Variants in DCAF16 observed in about 807,000 individuals in gnomAD.
The protein encoded by DCAF16 is DDB1- and CUL4-associated factor 16.
A neutral mutation model predicts 17.3 loss-of-function variants in DCAF16; 10 were observed. The observed-to-expected ratio is 0.58, with a 90% CI of 0.36 to 0.98. The LOEUF (loss-of-function observed/expected upper bound fraction) is 0.98, where lower values mean the gene tolerates loss of function less well. Ranked by LOEUF, DCAF16 falls within the 50% of genes least tolerant of loss-of-function variation. The pLI is 0.01. For missense variants in DCAF16, 249 were observed against 247.6 expected, an observed-to-expected ratio of 1.01 and a Z score of -0.04; for synonymous variants, 111 against 92.8, an observed-to-expected ratio of 1.20 and a Z score of -1.12.
At chr4:17,807,371 G>C (rs1272049909) in intron 1 of DCAF16, among the ~76,000 whole-genome samples, 11 of 152,260 alleles carry the variant, frequency 7.2e-5, no homozygotes, top group East Asian at 1.9e-4. Context: ...AAAATCCCAA[G>C]GCATGAACAA....
At chr4:17,805,270 T>C (rs1280826977) in intron 1 of DCAF16, 45 bp from the exon 2 acceptor site, 1 of 152,008 alleles carries the variant, frequency 6.6e-6, no homozygotes, top group East Asian at 1.9e-4. Flanking sequence ...ACCAGCTACT[T>C]TTATAAAGAT....
In DCAF16 at chr4:17,804,649, T is replaced by C. The variant is rs1281703836; in HGVS notation, c.-508A>G. ...TGCAGGGGGGAATGACGGGATGAGCTGTCAAGAACATCTGGTGTATAAGGA... is the reference window on the plus strand; with the variant it reads ...TGCAGGGGGGAATGACGGGATGAGCCGTCAAGAACATCTGGTGTATAAGGA... On this transcript the variant is annotated 5_prime_UTR_variant, in exon 3 of 3. Coordinates refer to ENST00000382247, the MANE Select transcript of DCAF16 (RefSeq NM_017741.4). The C allele has an allele frequency of 5.7e-6, 1 of 176,530 alleles. No homozygotes were observed. Among genetic ancestry groups the C allele is most frequent in the East Asian group, 1.8e-4 (1 of 5,572 alleles). 10.9% of individuals were successfully genotyped at this position (176,530 alleles called of 1,614,324 possible).
rs1719849539 is a variant in DCAF16 at position 17,802,132 on chromosome 4, G to T, written c.*1359C>A. On this transcript the variant is annotated 3_prime_UTR_variant, in exon 3 of 3. Coordinates refer to ENST00000382247, the MANE Select transcript of DCAF16 (RefSeq NM_017741.4). ...AAAAAAAAAAAAAAAAATTAGAAGG[G>T]TTCCTGAAAAGTTTGCAATGGATGT... 6.6e-6 allele frequency: 1 copy of T among 152,214 alleles called. No individual in the cohort carries two copies. The highest frequency in any genetic ancestry group is 6.6e-5 in the Admixed American group (1 of 15,222). 9.4% of individuals were successfully genotyped at this position (152,214 alleles called of 1,614,324 possible). A position where few individuals can be genotyped will look rare whatever the true frequency, so the allele number is the denominator to read the frequency against.
At chr4:17,795,737 A>G (rs1719399298), downstream of DCAF16, among the ~76,000 whole-genome samples, 1 of 152,102 alleles carries the variant, frequency 6.6e-6, no homozygotes. Flanking sequence ...CAGCTTCTTT[A>G]TGTTCATCTT....
In DCAF16 at chr4:17,803,132, C is replaced by T. The variant is rs1009827142; in HGVS notation, c.*359G>A. 1 of 198,530 alleles carries T rather than the reference C, an allele frequency of 5.0e-6. No homozygotes were observed. Among genetic ancestry groups the T allele is most frequent in the African/African-American group, 2.4e-5 (1 of 42,386 alleles). The allele number at this position is 198,530 out of a possible 1,614,324, so 12.3% of individuals were successfully genotyped here. ...CTCCGTCTCCTGGGTTCAAGTGATTCTCCTGTTTCAGCCTCCCGAGTAGCA... is the reference window on the plus strand; with the variant it reads ...CTCCGTCTCCTGGGTTCAAGTGATTTTCCTGTTTCAGCCTCCCGAGTAGCA... On this transcript the variant is annotated 3_prime_UTR_variant, in exon 3 of 3. Coordinates refer to ENST00000382247, the MANE Select transcript of DCAF16 (RefSeq NM_017741.4).
At chr4:17,797,610 A>T (rs1458651133), downstream of DCAF16, among the ~76,000 whole-genome samples, 1 of 152,212 alleles carries the variant, frequency 6.6e-6, no homozygotes, top group Non-Finnish European at 1.5e-5. Flanking sequence ...CCAGCTTTCA[A>T]TTGATTCAGA....
In DCAF16 at chr4:17,802,442, C is replaced by A. The variant is rs1371376672; in HGVS notation, c.*1049G>T. 1 of 151,918 alleles carries A rather than the reference C, an allele frequency of 6.6e-6. No homozygotes were observed. Among genetic ancestry groups the A allele is most frequent in the Non-Finnish European group, 1.5e-5 (1 of 67,990 alleles). The allele number at this position is 151,918 out of a possible 1,614,324, so 9.4% of individuals were successfully genotyped here. A position where few individuals can be genotyped will look rare whatever the true frequency, so the allele number is the denominator to read the frequency against. ...AACGTTCATGCTGTAATTTTAAGTA[C>A]CATAATAAGTTTGTAGTAGTATAGG... is the stretch of plus-strand genomic sequence containing the variant. On this transcript the variant is annotated 3_prime_UTR_variant, in exon 3 of 3. Transcript: ENST00000382247.
intron 1 of DCAF16, among the ~76,000 whole-genome samples, chr4:17,805,680 G>T (rs1468109851): frequency 6.6e-6 from 1 of 152,202 alleles, no homozygotes; most frequent in Non-Finnish European, 1.5e-5. Flanking sequence ...TGAAGTCAGG[G>T]GCAGGACACA....
At chr4:17,806,067 TTC>T (rs1720293915) in intron 1 of DCAF16, among the ~76,000 whole-genome samples, 1 of 152,260 alleles carries the variant, frequency 6.6e-6, no homozygotes, top group Non-Finnish European at 1.5e-5. Context: ...ATCAACATTT[TTC>T]TCTTTTTGGA....
At position 17,803,664 on chromosome 4, in the gene DCAF16, T is replaced by A; in HGVS notation, c.478A>T (p.Thr160Ser). ...TGTTTTAGGTATTCAGGTATGGGAG[T>A]GGCTCTACTCAATGTTCGGCTTAGC... ...KQLSRTLSRA[T>S]PIPEYLKQIP... The change falls in exon 3 of 3, where the codon ACT becomes TCT. Residue 160 changes from threonine (T) to serine (S), a missense_variant. Physicochemically the swap from Thr to Ser is moderately conservative, Grantham distance 58 (BLOSUM62 1). Transcript: ENST00000382247. The A allele has an allele frequency of 6.2e-7, 1 of 1,614,142 alleles. No homozygotes were observed. Among genetic ancestry groups the A allele is most frequent in the South Asian group, 1.1e-5 (1 of 91,084 alleles).
At chr4:17,807,168 A>T (rs1410457925) in intron 1 of DCAF16, among the ~76,000 whole-genome samples, 3 of 152,244 alleles carry the variant, frequency 2.0e-5, no homozygotes, top group Non-Finnish European at 4.4e-5. Context: ...TATCTTTGTG[A>T]AATGAGGCCA....
intron 2 of DCAF16, 21 bp downstream of exon 2, chr4:17,805,084 GTT>G (rs74667233): frequency 1.8e-3 from 226 of 128,372 alleles, no homozygotes; most frequent in Admixed American, 2.2e-3. Flanking sequence ...AGCTATAAAA[GTT>G]TTTTTTTTTT....
chr4:17,795,703 G>T (rs1203723579), downstream of DCAF16, among the ~76,000 whole-genome samples: 1 of 152,166 alleles, frequency 6.6e-6, no homozygotes, highest in Non-Finnish European at 1.5e-5. Flanking sequence ...GATGGAAGCA[G>T]TATATTCCTT....
At chr4:17,809,268 G>T (rs1457937351) in intron 1 of DCAF16, among the ~76,000 whole-genome samples, 1 of 152,140 alleles carries the variant, frequency 6.6e-6, no homozygotes, top group Non-Finnish European at 1.5e-5. Context: ...AGCAGTAAAC[G>T]AAGTAAAGTG....
chr4:17,793,637 T>C, the DCAF16 span, among the ~76,000 whole-genome samples: 3 of 152,184 alleles, frequency 2.0e-5, no homozygotes, highest in Non-Finnish European at 2.9e-5. Flanking sequence ...ACATGAAATC[T>C]GAGAACAACC....
In DCAF16 at chr4:17,801,553, TA is replaced by T. The variant is rs1719787662; in HGVS notation, c.*1937del. On this transcript the variant is annotated 3_prime_UTR_variant, in exon 3 of 3. Transcript: ENST00000382247. ...TCACAATCTCTTTTCTGATTCCCTT[TA>T]GATGCCCAGTCAACCAGGACCACAC... 6.6e-6 allele frequency: 1 copy of T among 152,232 alleles called. No homozygotes were observed. Among genetic ancestry groups the T allele is most frequent in the Non-Finnish European group, 1.5e-5 (1 of 68,034 alleles). 9.4% of individuals were successfully genotyped at this position (152,232 alleles called of 1,614,324 possible).
downstream of DCAF16, among the ~76,000 whole-genome samples, chr4:17,800,165 A>AG (rs1348052943): frequency 1.3e-5 from 2 of 151,476 alleles, no homozygotes; most frequent in Non-Finnish European, 2.9e-5. Context: ...AAAAAAAAAA[A>AG]GTTGCCTATC....
At position 17,801,830 on chromosome 4, in the gene DCAF16, T is replaced by G. The variant is rs1045031340; in HGVS notation, c.*1661A>C. The G allele has an allele frequency of 2.6e-5, 4 of 152,102 alleles. No homozygotes were observed. Among genetic ancestry groups the G allele is most frequent in the Non-Finnish European group, 5.9e-5 (4 of 68,016 alleles). The allele number at this position is 152,102 out of a possible 1,614,324, so 9.4% of individuals were successfully genotyped here. On this transcript the variant is annotated 3_prime_UTR_variant, in exon 3 of 3. Coordinates refer to ENST00000382247, the MANE Select transcript of DCAF16 (RefSeq NM_017741.4). ...TGAGATTTTCTAATAACAAGGTTCT[T>G]TAAAATTAGAAGGGTTCAATCCCAG...
downstream of DCAF16, among the ~76,000 whole-genome samples, chr4:17,799,181 T>C (rs1719576337): frequency 6.6e-6 from 1 of 152,222 alleles, no homozygotes; most frequent in South Asian, 2.1e-4. Flanking sequence ...GAGTATCCGT[T>C]GTGGGGGTTT....
Sources: allele counts gnomAD v4.1 joint callset (sites outside exome capture counted in the v4.1 genomes callset), GRCh38; gene constraint gnomAD v4.1.1; transcripts MANE v1.5; gene names NCBI Gene and HGNC (gene_info 2026-07-23, HGNC 2026-07-21).